SBNO1: variants seen among roughly 807,000 people sequenced by gnomAD.
The protein encoded by SBNO1 is protein strawberry notch homolog 1.
In SBNO1, 23 loss-of-function variants were observed where a neutral mutation model predicts 173.6. The ratio of observed to expected loss-of-function variants is 0.13; its 90% CI spans 0.10 to 0.19. The LOEUF (loss-of-function observed/expected upper bound fraction) is 0.19, where lower values mean the gene tolerates loss of function less well. Among genes scored for constraint, SBNO1 ranks in the 10% least tolerant of loss-of-function variants. The pLI is 1.00. For missense variants in SBNO1, 1,238 were observed against 1,671.2 expected, an observed-to-expected ratio of 0.74 and a Z score of 4.52; for synonymous variants, 632 against 571.5, an observed-to-expected ratio of 1.11 and a Z score of -1.51.
At position 123,354,005 on chromosome 12, in the gene SBNO1, T is replaced by G. The variant is rs1195200174; in HGVS notation, c.1-3564A>C. On this transcript the variant is annotated intron_variant, in intron 1 of 31. Coordinates refer to ENST00000602398, the MANE Select transcript of SBNO1 (RefSeq NM_001167856.3). ...CTAATAATATTCAAAAGTGTAGAGA[T>G]GCCATTAATCAATGAAATGCATATT... Among the ~76,000 whole-genome samples the G allele has an allele frequency of 2.6e-5, 4 of 152,218 alleles. No homozygotes were observed. The East Asian group carries it at 7.7e-4, about 29-fold the overall frequency.
intron 31 of SBNO1, among the ~76,000 whole-genome samples, chr12:123,297,659 A>G (rs1472818754): frequency 1.3e-5 from 2 of 152,074 alleles, no homozygotes; most frequent in Non-Finnish European, 2.9e-5. Context: ...AGTTAGCTCA[A>G]TGGAGAACTC....
chr12:123,296,825 C>T (rs1489838825), intron 31 of SBNO1, among the ~76,000 whole-genome samples: 1 of 151,274 alleles, frequency 6.6e-6, no homozygotes, highest in Non-Finnish European at 1.5e-5. Flanking sequence ...TCCCAAAGTG[C>T]TGGGATTATA....
chr12:123,336,639 C>T, intron 5 of SBNO1, 148 bp from the exon 6 acceptor site: 1 of 600,980 alleles, frequency 1.7e-6, no homozygotes, highest in East Asian at 2.9e-5. Flanking sequence ...ATCTGGGCCA[C>T]ACTTCGTGGC....
chr12:123,317,797 T>C (rs959846623), intron 20 of SBNO1, among the ~76,000 whole-genome samples: 2 of 152,220 alleles, frequency 1.3e-5, no homozygotes, highest in South Asian at 2.1e-4. Flanking sequence ...ATCTATCTTA[T>C]TGAAGTCAAC....
chr12:123,313,831 G>A lies in SBNO1; in HGVS notation c.3121-112C>T, dbSNP rs745741927. The A allele has an allele frequency of 2.2e-4, 133 of 613,538 alleles. 1 individual carries two copies. The highest frequency in any genetic ancestry group is 4.0e-5 in the Non-Finnish European group (14 of 350,062). 38.0% of individuals were successfully genotyped at this position (613,538 alleles called of 1,614,324 possible). On this transcript the variant is annotated intron_variant, in intron 23 of 31. Coordinates refer to ENST00000602398, the MANE Select transcript of SBNO1 (RefSeq NM_001167856.3). ...TGGCTGGGTGCGGTGGCTCATGCCT[G>A]TAATCCCAGCACTTTGGGAGGTCGA...
At position 123,297,835 on chromosome 12, in the gene SBNO1, G is replaced by A. The variant is rs565748621; in HGVS notation, c.4039+143C>T. The A allele has an allele frequency of 2.2e-5, 16 of 713,336 alleles. No homozygotes were observed. The East Asian group carries it at 2.9e-4, about 13-fold the overall frequency. 44.2% of individuals were successfully genotyped at this position (713,336 alleles called of 1,614,324 possible). Reference sequence around the variant, plus strand: ...GAAGGCTTAACTTCTGTTCAACCTTGTAAGAAATATAAAACGGGTCCCATA... The same window carrying A: ...GAAGGCTTAACTTCTGTTCAACCTTATAAGAAATATAAAACGGGTCCCATA... On this transcript the variant is annotated intron_variant, in intron 31 of 31. Coordinates refer to ENST00000602398, the MANE Select transcript of SBNO1 (RefSeq NM_001167856.3).
chr12:123,330,440 A>C lies in SBNO1; in HGVS notation c.1113T>G (p.Ile371Met), dbSNP rs140771058. Residue 371 changes from isoleucine to methionine, a missense_variant, in exon 9 of 32, where the codon ATT (isoleucine) becomes ATG (methionine). Physicochemically the swap from Ile to Met is conservative, Grantham distance 10. This residue lies in a region of SBNO1 where 56 missense variants were observed against 65.1 expected (regional missense o/e 0.86). Transcript: ENST00000602398. ...RDLRDIGAKN[I>M]LVHSLNKFKY... ...ATACCTTATTTAACGAATGAACCAA[A>C]ATGTTTTTTGCTCCAATATCCCTTA... The C allele has an allele frequency of 3.5e-4, 555 of 1,598,090 alleles. 1 individual carries two copies. The highest frequency in any genetic ancestry group is 4.5e-4 in the Non-Finnish European group (523 of 1,169,360).
intron 4 of SBNO1, among the ~76,000 whole-genome samples, chr12:123,342,046 G>A (rs1454910866): frequency 1.3e-5 from 2 of 151,538 alleles, no homozygotes; most frequent in East Asian, 2.0e-4. Context: ...GCTCACGCCT[G>A]TAATCCCAGC....
intron 1 of SBNO1, 78 bp downstream of exon 1, chr12:123,364,623 G>A (rs1875915129): frequency 3.5e-6 from 3 of 845,808 alleles, no homozygotes; most frequent in Non-Finnish European, 3.9e-6. Flanking sequence ...GGCCCCGCAC[G>A]GCCCCCCGAG....
At chr12:123,354,775 A>ATG (rs1253170927) in intron 1 of SBNO1, among the ~76,000 whole-genome samples, 2 of 152,332 alleles carry the variant, frequency 1.3e-5, no homozygotes, top group Middle Eastern at 3.4e-3. Flanking sequence ...TGTGTCTACA[A>ATG]AGGAATTCAT....
intron 29 of SBNO1, among the ~76,000 whole-genome samples, chr12:123,304,188 C>T (rs1434083515): frequency 2.0e-5 from 3 of 152,046 alleles, no homozygotes; most frequent in Non-Finnish European, 4.4e-5. Flanking sequence ...GCCTTGGCCT[C>T]CCAAAGTACT....
intron 6 of SBNO1, 119 bp from the exon 7 acceptor site, chr12:123,334,332 A>G: frequency 3.1e-6 from 2 of 654,376 alleles, no homozygotes. Flanking sequence ...AAAAGTATTC[A>G]CTCTGAGCTT....
chr12:123,357,127 T>C (rs1191441520), intron 1 of SBNO1, among the ~76,000 whole-genome samples: 1 of 152,176 alleles, frequency 6.6e-6, no homozygotes, highest in Non-Finnish European at 1.5e-5. Context: ...AAGAAGTTAG[T>C]TTACAAGAAT....
intron 31 of SBNO1, among the ~76,000 whole-genome samples, chr12:123,296,648 C>T (rs1184581685): frequency 1.3e-5 from 2 of 151,732 alleles, no homozygotes; most frequent in Non-Finnish European, 2.9e-5. Flanking sequence ...GCAACCTCCG[C>T]CTCCCGGGTT....
In SBNO1 at chr12:123,308,497, T is replaced by C. The variant is rs538691157; in HGVS notation, c.3630+813A>G. Reference sequence around the variant, plus strand: ...CATCTTGGCTAACACGGTGAAACCCTGTCTCTACTAAAAATACAAAAAAAA... The same window carrying C: ...CATCTTGGCTAACACGGTGAAACCCCGTCTCTACTAAAAATACAAAAAAAA... On this transcript the variant is annotated intron_variant, in intron 28 of 31. Transcript: ENST00000602398. 9.9e-4 allele frequency among the ~76,000 whole-genome samples: 150 copies of C among 151,528 alleles called. 1 individual carries two copies. The highest frequency in any genetic ancestry group is 1.5e-3 in the Non-Finnish European group (105 of 67,846).
intron 7 of SBNO1, among the ~76,000 whole-genome samples, chr12:123,333,297 C>T (rs1449425272): frequency 6.6e-6 from 1 of 151,770 alleles, no homozygotes; most frequent in Non-Finnish European, 1.5e-5. Context: ...CTCTACCTCA[C>T]ATCATTTTAA....
intron 25 of SBNO1, among the ~76,000 whole-genome samples, 191 bp downstream of exon 25, chr12:123,310,864 G>C (rs1328961449): frequency 6.6e-6 from 1 of 152,112 alleles, no homozygotes; most frequent in African/African-American, 2.4e-5. Flanking sequence ...CTTGAGAGCT[G>C]ATCATATCAG....
At chr12:123,357,579 A>G (rs180737119) in intron 1 of SBNO1, among the ~76,000 whole-genome samples, 66 of 152,092 alleles carry the variant, frequency 4.3e-4, no homozygotes, top group African/African-American at 1.5e-3. Flanking sequence ...CATCTCTACG[A>G]AAAATACAAA....
intron 31 of SBNO1, 62 bp from the exon 32 acceptor site, chr12:123,296,112 A>G (rs1356325047): frequency 9.4e-7 from 1 of 1,060,686 alleles, no homozygotes; most frequent in Non-Finnish European, 1.4e-6. Flanking sequence ...GTACAGCTTC[A>G]CAGCAGATTC....
Sources: allele counts gnomAD v4.1 joint callset (sites outside exome capture counted in the v4.1 genomes callset), GRCh38; gene constraint gnomAD v4.1.1; regional missense constraint gnomAD v4.1.1; transcripts MANE v1.5; gene names NCBI Gene and HGNC (gene_info 2026-07-23, HGNC 2026-07-21).